The following VCPIP1 variants were observed in gnomAD, a reference collection of about 807,000 sequenced individuals.
VCPIP1 encodes deubiquitinating protein VCPIP1.
A neutral mutation model predicts 85.0 loss-of-function variants in VCPIP1; 8 were observed. That is an observed-to-expected ratio of 0.09 (90% CI 0.06 to 0.17). The LOEUF (loss-of-function observed/expected upper bound fraction) is 0.17, where lower values mean the gene tolerates loss of function less well. Among genes scored for constraint, VCPIP1 ranks in the 10% least tolerant of loss-of-function variants. VCPIP1 has a pLI of 1.00. For missense variants in VCPIP1, 1,070 were observed against 1,486.3 expected, an observed-to-expected ratio of 0.72 and a Z score of 4.61; for synonymous variants, 543 against 544.5, an observed-to-expected ratio of 1.00 and a Z score of 0.04.
chr8:66,650,327 GA>G (rs1170779121), intron 2 of VCPIP1, among the ~76,000 whole-genome samples: 1 of 151,638 alleles, frequency 6.6e-6, no homozygotes, highest in African/African-American at 2.4e-5. Context: ...AAGTTGGAAG[GA>G]AAAAAAAGTG....
intron 2 of VCPIP1, among the ~76,000 whole-genome samples, chr8:66,638,985 T>TATAGATATATATATATATAC (rs1302544149): frequency 6.7e-6 from 1 of 148,944 alleles, no homozygotes; most frequent in Non-Finnish European, 1.5e-5. Flanking sequence ...TATATATATA[T>TATAGATATATATATATATAC]ACATATATTT....
Position 66,635,371 on chromosome 8 carries a change from A to T in VCPIP1, c.2799T>A (p.Gly933=). ...VFYSIMKKTM[G]MADGKHCTFP... is the part of the protein sequence containing the mutation. The stretch of plus-strand genomic sequence containing the variant: ...AAGTACAATGCTTGCCATCAGCCAT[A>T]CCTAAAAAGGGGAAAAGATATTTAA... Residue 933 remains glycine, a splice_region_variant and synonymous_variant, in exon 3 of 3, where the codon GGT becomes GGA. Transcript: ENST00000310421. The T allele has an allele frequency of 6.2e-7, 1 of 1,602,282 alleles. No individual in the cohort carries two copies. The highest frequency in any genetic ancestry group is 8.5e-7 in the Non-Finnish European group (1 of 1,175,154).
At chr8:66,651,051 A>G (rs1450115832) in intron 2 of VCPIP1, among the ~76,000 whole-genome samples, 1 of 151,266 alleles carries the variant, frequency 6.6e-6, no homozygotes, top group African/African-American at 2.4e-5. Context: ...CGGGCATGGT[A>G]GCACATGCCT....
chr8:66,649,785 C>CGTG (rs1811034608), intron 2 of VCPIP1, among the ~76,000 whole-genome samples: 1 of 151,966 alleles, frequency 6.6e-6, no homozygotes, highest in South Asian at 2.1e-4. Context: ...GGTTACATGA[C>CGTG]TATATATGTT....
Position 66,630,693 on chromosome 8 carries a change from A to AT in VCPIP1, c.*3807dup, listed in dbSNP as rs1158382162. ...AAATGTCAGATATACAAGTAATGGCATTTTCTCCAATAATTCATAATTTTT... is the reference window on the plus strand; with the variant it reads ...AAATGTCAGATATACAAGTAATGGCATTTTTCTCCAATAATTCATAATTTTT... On this transcript the variant is annotated 3_prime_UTR_variant, in exon 3 of 3. Coordinates refer to ENST00000310421, the MANE Select transcript of VCPIP1 (RefSeq NM_025054.5). The AT allele has an allele frequency of 7.9e-5, 12 of 152,574 alleles. No individual in the cohort carries two copies. The highest frequency in any genetic ancestry group is 4.4e-5 in the Non-Finnish European group (3 of 67,984). 9.5% of individuals were successfully genotyped at this position (152,574 alleles called of 1,614,324 possible).
In VCPIP1 at chr8:66,635,056, G is replaced by C. The variant is rs1207538261; in HGVS notation, c.3114C>G (p.Asn1038Lys). The change falls in exon 3 of 3, where the codon AAC (asparagine) becomes AAG (lysine). Residue 1038 changes from asparagine to lysine, a missense_variant. Transcript: ENST00000310421. ...CCCTAGCTCTTGGATCAAGGTGTGG[G>C]TTACCAGATGCAGTTCCTAAAGAAT... ...KGHSLGTASG[N>K]PHLDPRARET... 1.2e-6 allele frequency: 2 copies of C among 1,614,050 alleles called. No individual in the cohort carries two copies. The highest frequency in any genetic ancestry group is 4.5e-5 in the East Asian group (2 of 44,886).
intron 2 of VCPIP1, among the ~76,000 whole-genome samples, chr8:66,649,815 T>C (rs1314020896): frequency 1.3e-5 from 2 of 152,186 alleles, no homozygotes; most frequent in Admixed American, 1.3e-4. Flanking sequence ...TCATATACAG[T>C]ATACAAAATT....
intron 1 of VCPIP1, among the ~76,000 whole-genome samples, chr8:66,663,145 A>G (rs904790991): frequency 4.6e-5 from 7 of 151,888 alleles, no homozygotes; most frequent in African/African-American, 1.4e-4. Context: ...TAAAGTGCGT[A>G]GGACAGTTCC....
chr8:66,658,909 A>G (rs1176033979), intron 1 of VCPIP1, among the ~76,000 whole-genome samples: 2 of 152,218 alleles, frequency 1.3e-5, no homozygotes, highest in African/African-American at 2.4e-5. Context: ...CAGAGAAAGT[A>G]TATCAAAATG....
rs764471125 is a variant in VCPIP1, at chr8:66,645,865, C to T, written c.2797+5593G>A. 6.6e-5 allele frequency among the ~76,000 whole-genome samples: 10 copies of T among 151,774 alleles called. 1 individual carries two copies. Among genetic ancestry groups the T allele is most frequent in the South Asian group, 2.1e-4 (1 of 4,818 alleles). On this transcript the variant is annotated intron_variant, in intron 2 of 2. Transcript: ENST00000310421. The stretch of plus-strand genomic sequence containing the variant: ...AGATCAACTGAGCCAGGTAGGTCAA[C>T]GATGCAGTAAACTGTGATTGTGTCA...
chr8:66,638,970 C>CTCTCTCTCTCTCTCTCTCTCTATA, intron 2 of VCPIP1, among the ~76,000 whole-genome samples: 2 of 118,418 alleles, frequency 1.7e-5, no homozygotes, highest in African/African-American at 7.8e-5. Context: ...CTCTCTCTCT[C>CTCTCTCTCTCTCTCTCTCTCTATA]TATATATATA....
intron 1 of VCPIP1, among the ~76,000 whole-genome samples, chr8:66,653,303 A>T (rs1000371243): frequency 6.6e-6 from 1 of 152,218 alleles, no homozygotes; most frequent in Admixed American, 6.5e-5. Context: ...ATTAAACCTC[A>T]CTTGGATAAA....
chr8:66,657,959 T>C (rs1811116068), intron 1 of VCPIP1, among the ~76,000 whole-genome samples: 1 of 152,170 alleles, frequency 6.6e-6, no homozygotes, highest in South Asian at 2.1e-4. Context: ...TGCATTATTT[T>C]TTATTCAACT....
At chr8:66,656,605 T>C (rs1811102936) in intron 1 of VCPIP1, among the ~76,000 whole-genome samples, 1 of 152,152 alleles carries the variant, frequency 6.6e-6, no homozygotes, top group Non-Finnish European at 1.5e-5. Flanking sequence ...TTTATTTATT[T>C]ATTCATTTAT....
At chr8:66,638,245 C>T (rs1810908127) in intron 2 of VCPIP1, among the ~76,000 whole-genome samples, 1 of 152,118 alleles carries the variant, frequency 6.6e-6, no homozygotes, top group African/African-American at 2.4e-5. Flanking sequence ...AATCCCAGCA[C>T]TAGGGGAGGC....
In VCPIP1 at chr8:66,667,021, C is replaced by T; in HGVS notation, c.-63G>A. 3.5e-6 allele frequency: 5 copies of T among 1,446,378 alleles called. No homozygotes were observed. Among genetic ancestry groups the T allele is most frequent in the Non-Finnish European group, 4.5e-6 (5 of 1,103,592 alleles). 89.6% of individuals were successfully genotyped at this position (1,446,378 alleles called of 1,614,324 possible). On this transcript the variant is annotated 5_prime_UTR_variant, in exon 1 of 3. Transcript: ENST00000310421. ...GACCCTCAAAAGCTCATAGCCCAGA[C>T]CCCCACCAACCCGACTCGGTCCAGT...
Position 66,664,706 on chromosome 8 carries a change from A to C in VCPIP1, c.2253T>G (p.Ile751Met), listed in dbSNP as rs1385438993. ...CAGGTGCAGAGGATGGACCATCACGAATGGTACTGGGAGAAACAGTCCTGG... is the reference window on the plus strand; with the variant it reads ...CAGGTGCAGAGGATGGACCATCACGCATGGTACTGGGAGAAACAGTCCTGG... Reference protein sequence around the residue: ...GQPRTVSPSTIRDGPSSAPAT... With the variant: ...GQPRTVSPSTMRDGPSSAPAT... The change falls in exon 1 of 3, where the codon ATT becomes ATG. Residue 751 changes from isoleucine (I) to methionine (M), a missense_variant. Ile to Met is a conservative substitution (Grantham distance 10). This residue lies in a region of VCPIP1 where 278 missense variants were observed against 298.5 expected (regional missense o/e 0.93). Transcript: ENST00000310421. 2 of 1,613,772 alleles carry C rather than the reference A, an allele frequency of 1.2e-6. No homozygotes were observed. The highest frequency in any genetic ancestry group is 1.7e-6 in the Non-Finnish European group (2 of 1,179,890).
Position 66,664,434 on chromosome 8 carries a change from T to C in VCPIP1, c.2525A>G (p.His842Arg), listed in dbSNP as rs1811186568. Residue 842 changes from histidine to arginine, a missense_variant, in exon 1 of 3, where the codon CAT (histidine) becomes CGT (arginine). By Grantham distance (29) the His-to-Arg change is conservative. Coordinates refer to ENST00000310421, the MANE Select transcript of VCPIP1 (RefSeq NM_025054.5). ...AATTTCTATTGTAATTCTGTCGCCA[T>C]GCTGTAAAGGAACTGGTTCCTTTTC... ...GMEKEPVPLQ[H>R]GDRITIEILK... 3 of 1,613,792 alleles carry C rather than the reference T, an allele frequency of 1.9e-6. No individual in the cohort carries two copies. The East Asian group carries it at 6.7e-5, about 36-fold the overall frequency.
intron 2 of VCPIP1, among the ~76,000 whole-genome samples, chr8:66,638,966 CTCTCTATA>C (rs1810918637): frequency 1.5e-5 from 2 of 130,958 alleles, no homozygotes; most frequent in African/African-American, 6.9e-5. Context: ...CTCTCTCTCT[CTCTCTATA>C]TATATATATA....
Sources: gnomAD v4.1 joint callset for allele counts (sites outside exome capture counted in the v4.1 genomes callset) on GRCh38, gnomAD v4.1.1 for gene constraint, gnomAD v4.1.1 regional missense constraint, MANE v1.5 for transcripts, NCBI Gene and HGNC (gene_info 2026-07-23, HGNC 2026-07-21) for gene names.